Variants in SALL4 observed in about 807,000 individuals in gnomAD.
SALL4 encodes the protein spalt like transcription factor 4.
Under a neutral mutation model 60.8 loss-of-function variants are expected in SALL4, and 4 were observed. That is an observed-to-expected ratio of 0.07 (90% CI 0.03 to 0.15). SALL4 has a LOEUF of 0.15. SALL4 is among the 10% of genes least tolerant of loss of function. SALL4 has a pLI of 1.00. For synonymous variants in SALL4, 580 were observed against 574.9 expected (o/e 1.01, Z -0.13); for missense variants, 1,178 against 1,394.7 (o/e 0.84, Z 2.48).
At position 51,789,433 on chromosome 20, in the gene SALL4, A is replaced by G. The variant is rs6126343; in HGVS notation, c.2462-292T>C. Among the ~76,000 whole-genome samples the G allele has an allele frequency of 0.32, 49,169 of 151,982 alleles. 8,377 individuals are homozygous for G. The highest frequency in any genetic ancestry group is 0.58 in the East Asian group (3,005 of 5,168). ...CTGCATAAGAAACTACCTTTAAAGC[A>G]TATGCCCAGACACCATCTTTCTTTG... On this transcript the variant is annotated intron_variant, in intron 2 of 3. Coordinates refer to ENST00000217086, the MANE Select transcript of SALL4 (RefSeq NM_020436.5).
At position 51,802,403 on chromosome 20, in the gene SALL4, C is replaced by G. The variant is rs773290084; in HGVS notation, c.6G>C (p.Ser2=). 1 of 1,612,260 alleles carries G rather than the reference C, an allele frequency of 6.2e-7. No homozygotes were observed. Among genetic ancestry groups the G allele is most frequent in the Non-Finnish European group, 8.5e-7 (1 of 1,179,908 alleles). The change falls in exon 1 of 4, where the codon TCG becomes TCC. Residue 2 remains serine, a synonymous_variant. Transcript: ENST00000217086. Reference sequence around the variant, plus strand: ...GCTGGGGTTTCGCCTGCTTGCGCCTCGACATGGTGCGAGCATCGGGGCGCC... The same window carrying G: ...GCTGGGGTTTCGCCTGCTTGCGCCTGGACATGGTGCGAGCATCGGGGCGCC... The part of the protein sequence containing the change: M[S]RRKQAKPQHI...
Position 51,788,347 on chromosome 20 carries a change from G to A in SALL4, c.2742+514C>T, listed in dbSNP as rs2078007366. Reference sequence around the variant, plus strand: ...TTTGTGTGTGTGTGTGTGTGTGTGTGTGTGTGTGTGTAAAGACGTTGTCTC... The same window carrying A: ...TTTGTGTGTGTGTGTGTGTGTGTGTATGTGTGTGTGTAAAGACGTTGTCTC... On this transcript the variant is annotated intron_variant, in intron 3 of 3. Transcript: ENST00000217086. The surrounding 1 kb of genome is among the most constrained non-coding windows in gnomAD (Gnocchi z 4.1). Among the ~76,000 whole-genome samples the A allele has an allele frequency of 6.7e-6, 1 of 150,312 alleles. No individual in the cohort carries two copies. Among genetic ancestry groups the A allele is most frequent in the Non-Finnish European group, 1.5e-5 (1 of 67,550 alleles).
At chr20:51,789,948 A>G (rs985317386) in intron 2 of SALL4, 74 bp downstream of exon 2, 3 of 1,588,336 alleles carry the variant, frequency 1.9e-6, no homozygotes, top group African/African-American at 1.3e-5. Context: ...CTCCGTTTGT[A>G]AAGTTCAACC....
chr20:51,802,246 C>A (rs765320418), intron 1 of SALL4, 33 bp downstream of exon 1: 2 of 1,567,998 alleles, frequency 1.3e-6, no homozygotes, highest in South Asian at 2.3e-5. Context: ...CGGGAAGCTC[C>A]CCTCCCCGGG....
At chr20:51,802,239 G>T in intron 1 of SALL4, 40 bp downstream of exon 1, 1 of 1,558,114 alleles carries the variant, frequency 6.4e-7, no homozygotes, top group Non-Finnish European at 8.7e-7. Context: ...GTACGTCCGG[G>T]AAGCTCCCCT....
At chr20:51,799,728 T>C (rs1029326664) in intron 1 of SALL4, among the ~76,000 whole-genome samples, 8 of 152,226 alleles carry the variant, frequency 5.3e-5, no homozygotes, top group African/African-American at 1.9e-4. Context: ...TCGTTGATGT[T>C]TGTAATCCAG....
At chr20:51,797,291 T>G (rs2078084546) in intron 1 of SALL4, 1 of 152,058 alleles carries the variant, frequency 6.6e-6, no homozygotes, top group East Asian at 1.9e-4. Context: ...TGACTGTATT[T>G]CAATGCAATT....
chr20:51,802,246 C>T (rs765320418), intron 1 of SALL4, 33 bp downstream of exon 1: 3 of 1,568,000 alleles, frequency 1.9e-6, no homozygotes, highest in Middle Eastern at 2.3e-4. Context: ...CGGGAAGCTC[C>T]CCTCCCCGGG....
chr20:51,799,432 T>C (rs1015580202), intron 1 of SALL4, among the ~76,000 whole-genome samples: 4 of 152,234 alleles, frequency 2.6e-5, no homozygotes, highest in African/African-American at 9.6e-5. Context: ...AAATGCTAAC[T>C]GCCTTCTGCC....
Position 51,791,084 on chromosome 20 carries a change from C to T in SALL4, c.1399G>A (p.Glu467Lys), listed in dbSNP as rs1268656853. The change falls in exon 2 of 4, where the codon GAA becomes AAA. Residue 467 changes from glutamate to lysine, a missense_variant. Glu to Lys is a moderately conservative substitution (Grantham distance 56). Coordinates refer to ENST00000217086, the MANE Select transcript of SALL4 (RefSeq NM_020436.5). The surrounding 1 kb of genome is among the most constrained non-coding windows in gnomAD (Gnocchi z 4.6). The stretch of plus-strand genomic sequence containing the variant: ...TTGCTGTCTAAAGAAAGACTCGGTT[C>T]ATCTATGGGGTCAGGTACAGAGAGT... The part of the protein sequence containing the change: ...YALSVPDPID[E>K]PSLSLDSKPV... 6.2e-7 allele frequency: 1 copy of T among 1,614,010 alleles called. No individual in the cohort carries two copies. Among genetic ancestry groups the T allele is most frequent in the Admixed American group, 1.7e-5 (1 of 60,000 alleles).
rs1232592551 is a variant in SALL4, at chr20:51,790,811, T to C, written c.1672A>G (p.Ile558Val). 1.9e-5 allele frequency: 31 copies of C among 1,614,086 alleles called. No homozygotes were observed. Among genetic ancestry groups the C allele is most frequent in the Non-Finnish European group, 2.5e-5 (29 of 1,180,010 alleles). Residue 558 changes from isoleucine (I) to valine (V), a missense_variant, in exon 2 of 4, where the codon ATT becomes GTT. Transcript: ENST00000217086. This position sits in a 1 kb window ranked among gnomAD's most constrained non-coding sequence, Gnocchi z 5.5. ...TTGGGATCAGTGGTGGCCTTGTCAA[T>C]GTTCTCCACCAACTGCTGCAATTTC... ...TLKLQQLVEN[I>V]DKATTDPNEC...
chr20:51,791,608 G>A lies in SALL4; in HGVS notation c.875C>T (p.Ala292Val). Residue 292 changes from alanine to valine, a missense_variant, in exon 2 of 4, where the codon GCC becomes GTC. Physicochemically the swap from Ala to Val is moderately conservative, Grantham distance 64. Coordinates refer to ENST00000217086, the MANE Select transcript of SALL4 (RefSeq NM_020436.5). This position sits in a 1 kb window ranked among gnomAD's most constrained non-coding sequence, Gnocchi z 4.6. ...AGGGATGTTGGCGTGAGGTAGCTTGGCTTGTTTCAAGGCATCCAGAGACAG... is the reference window on the plus strand; with the variant it reads ...AGGGATGTTGGCGTGAGGTAGCTTGACTTGTTTCAAGGCATCCAGAGACAG... ...QGLSLDALKQ[A>V]KLPHANIPSA... The A allele has an allele frequency of 6.2e-7, 1 of 1,613,602 alleles. No homozygotes were observed. Among genetic ancestry groups the A allele is most frequent in the Non-Finnish European group, 8.5e-7 (1 of 1,180,034 alleles).
rs764540084 is a variant in SALL4, at chr20:51,788,563, C to T, written c.2742+298G>A. Among the ~76,000 whole-genome samples, 4 of 152,058 alleles carry T rather than the reference C, an allele frequency of 2.6e-5. No homozygotes were observed. Among genetic ancestry groups the T allele is most frequent in the Non-Finnish European group, 4.4e-5 (3 of 68,016 alleles). On this transcript the variant is annotated intron_variant, in intron 3 of 3. Coordinates refer to ENST00000217086, the MANE Select transcript of SALL4 (RefSeq NM_020436.5). This position sits in a 1 kb window ranked among gnomAD's most constrained non-coding sequence, Gnocchi z 4.1. ...AAAATTAGCCGGCCATGGTGGCGGA[C>T]GCCTGTAGTCCCAGCTACTCAGGAG...
Position 51,788,900 on chromosome 20 carries a change from G to T in SALL4, c.2703C>A (p.Asn901Lys). The T allele has an allele frequency of 6.2e-7, 1 of 1,614,198 alleles. No homozygotes were observed. Among genetic ancestry groups the T allele is most frequent in the Non-Finnish European group, 8.5e-7 (1 of 1,180,042 alleles). Residue 901 changes from asparagine (N) to lysine (K), a missense_variant, in exon 3 of 4, where the codon AAC (asparagine) becomes AAA (lysine). By Grantham distance (94) the Asn-to-Lys change is moderately conservative. Around this residue, in one of 5 missense-constraint regions of SALL4, gnomAD observed 37 missense variants for 73.5 expected, o/e 0.50. Transcript: ENST00000217086. The surrounding 1 kb of genome is among the most constrained non-coding windows in gnomAD (Gnocchi z 4.1). ...TGGTGGTAAAAGCTCGCCCACAAAT[G>T]TTGCACACAAAAGGCTTCTCTCCAG... ...THTGEKPFVC[N>K]ICGRAFTTKG...
At position 51,784,445 on chromosome 20, in the gene SALL4, C is replaced by T. The variant is rs765095328; in HGVS notation, c.2982G>A (p.Gly994=). 2 of 1,614,038 alleles carry T rather than the reference C, an allele frequency of 1.2e-6. No individual in the cohort carries two copies. The highest frequency in any genetic ancestry group is 1.7e-6 in the Non-Finnish European group (2 of 1,180,050). Reference sequence around the variant, plus strand: ...CCAAGGAAACCGGGAGGGTAGGAACCCCCCCACTCTGGATCACAGAGATCT... The same window carrying T: ...CCAAGGAAACCGGGAGGGTAGGAACTCCCCCACTCTGGATCACAGAGATCT... ...TNEISVIQSG[G]VPTLPVSLGA... The change falls in exon 4 of 4, where the codon GGG becomes GGA. Residue 994 remains glycine, a synonymous_variant. Coordinates refer to ENST00000217086, the MANE Select transcript of SALL4 (RefSeq NM_020436.5).
rs1203125733 is a variant in SALL4, at chr20:51,801,945, G to A, written c.130+334C>T. Among the ~76,000 whole-genome samples, 2 of 151,954 alleles carry A rather than the reference G, an allele frequency of 1.3e-5. No homozygotes were observed. The highest frequency in any genetic ancestry group is 3.9e-4 in the East Asian group (2 of 5,142). ...GGGGGGGGGGTAACACCAGTGAGGG[G>A]AGTGGAACCAATTAAGTGAGGGGCA... On this transcript the variant is annotated intron_variant, in intron 1 of 3. Transcript: ENST00000217086. The surrounding 1 kb of genome is among the most constrained non-coding windows in gnomAD (Gnocchi z 5.2).
Position 51,801,155 on chromosome 20 carries a change from G to A in SALL4, c.130+1124C>T, listed in dbSNP as rs1044102053. 6.6e-6 allele frequency among the ~76,000 whole-genome samples: 1 copy of A among 151,976 alleles called. No homozygotes were observed. Among genetic ancestry groups the A allele is most frequent in the Non-Finnish European group, 1.5e-5 (1 of 67,976 alleles). The stretch of plus-strand genomic sequence containing the variant: ...CACGCGCACGCTAAAAACTTATCAG[G>A]CGACAATTTGGCGGGCCGGGATGGA... On this transcript the variant is annotated intron_variant, in intron 1 of 3. Transcript: ENST00000217086. This position sits in a 1 kb window ranked among gnomAD's most constrained non-coding sequence, Gnocchi z 5.2.
chr20:51,793,036 T>G, intron 1 of SALL4: 1 of 967,192 alleles, frequency 1.0e-6, no homozygotes, highest in Non-Finnish European at 1.2e-6. Context: ...GGTTTTCTTG[T>G]TTTTTCAGAA....
Position 51,790,142 on chromosome 20 carries a change from C to T in SALL4, c.2341G>A (p.Glu781Lys). The stretch of plus-strand genomic sequence containing the variant: ...GAGAGTGCCTGGAAGGATGTGGTTT[C>T]CAGGATATCTGGGCTTCGGCTCTGA... ...EYQSRSPDIL[E>K]TTSFQALSPA... The change falls in exon 2 of 4, where the codon GAA (glutamate) becomes AAA (lysine). Residue 781 changes from glutamate (E) to lysine (K), a missense_variant. Coordinates refer to ENST00000217086, the MANE Select transcript of SALL4 (RefSeq NM_020436.5). This position sits in a 1 kb window ranked among gnomAD's most constrained non-coding sequence, Gnocchi z 5.5. 4 of 1,614,126 alleles carry T rather than the reference C, an allele frequency of 2.5e-6. No individual in the cohort carries two copies. The highest frequency in any genetic ancestry group is 3.4e-6 in the Non-Finnish European group (4 of 1,180,026).
Sources: gnomAD v4.1 joint callset for allele counts (sites outside exome capture counted in the v4.1 genomes callset) on GRCh38, gnomAD v4.1.1 for gene constraint, gnomAD v4.1.1 regional missense constraint, Gnocchi (gnomAD v3.1) non-coding constraint, MANE v1.5 for transcripts, NCBI Gene and HGNC (gene_info 2026-07-23, HGNC 2026-07-21) for gene names.